HTT-AS: variants seen among roughly 807,000 people sequenced by gnomAD.
HTT-AS encodes the protein HTT antisense RNA.
At chr4:3,057,578 C>G (rs563724673) in intron 2 of HTT-AS, among the ~76,000 whole-genome samples, 6 of 152,312 alleles carry the variant, frequency 3.9e-5, no homozygotes, top group Admixed American at 3.9e-4. Context: ...ATGGCTACTC[C>G]ATGGGCAGAG....
chr4:3,048,072 G>T (rs1224506973), downstream of HTT-AS, among the ~76,000 whole-genome samples: 1 of 152,064 alleles, frequency 6.6e-6, no homozygotes, highest in African/African-American at 2.4e-5. Flanking sequence ...GGCATTCGGG[G>T]CCACTACCAG....
At chr4:3,052,943 C>T (rs867154538) in intron 2 of HTT-AS, among the ~76,000 whole-genome samples, 50 of 152,064 alleles carry the variant, frequency 3.3e-4, no homozygotes, top group African/African-American at 1.2e-3. Flanking sequence ...TTGCAGTGAA[C>T]TGAGATGGTG....
downstream of HTT-AS, among the ~76,000 whole-genome samples, chr4:3,047,973 G>C (rs1711628262): frequency 6.6e-6 from 1 of 152,198 alleles, no homozygotes; most frequent in South Asian, 2.1e-4. Flanking sequence ...GTGGACACGT[G>C]ACTTGCGTGA....
exon 2 of HTT-AS, among the ~76,000 whole-genome samples, chr4:3,063,061 AC>A (rs1210947910): frequency 6.6e-6 from 1 of 152,138 alleles, no homozygotes; most frequent in African/African-American, 2.4e-5. Flanking sequence ...GGTCGGAGAC[AC>A]GACGTAGCCT....
At chr4:3,051,837 C>T (rs1408993065) in intron 2 of HTT-AS, among the ~76,000 whole-genome samples, 5 of 149,490 alleles carry the variant, frequency 3.3e-5, no homozygotes, top group Non-Finnish European at 5.9e-5. Context: ...AGCTTGCTCG[C>T]CGCTCAAGAT....
At chr4:3,059,641 G>A (rs1201358913) in intron 2 of HTT-AS, among the ~76,000 whole-genome samples, 1 of 151,870 alleles carries the variant, frequency 6.6e-6, no homozygotes, top group East Asian at 1.9e-4. Flanking sequence ...CCAGGCTGGA[G>A]TGCAGTGGCC....
intron 1 of HTT-AS, chr4:3,069,857 T>A (rs894689045): frequency 2.5e-4 from 38 of 152,454 alleles, no homozygotes; most frequent in Admixed American, 7.2e-4. Flanking sequence ...CTCTCAGGGG[T>A]GGGGCTGGAG....
At chr4:3,053,741 T>C (rs889615907) in intron 2 of HTT-AS, among the ~76,000 whole-genome samples, 1 of 151,708 alleles carries the variant, frequency 6.6e-6, no homozygotes, top group African/African-American at 2.4e-5. Flanking sequence ...AGGTTAGATA[T>C]TAGGTTTGCT....
At chr4:3,061,578 A>G (rs1711926816) in intron 2 of HTT-AS, among the ~76,000 whole-genome samples, 1 of 151,324 alleles carries the variant, frequency 6.6e-6, no homozygotes, top group South Asian at 2.1e-4. Context: ...GCTACTCGGG[A>G]GGCTGAGGCA....
chr4:3,072,943 TAG>T (rs1712219280), intron 1 of HTT-AS, among the ~76,000 whole-genome samples: 1 of 152,170 alleles, frequency 6.6e-6, no homozygotes, highest in Admixed American at 6.5e-5. Flanking sequence ...TTAATTTTTT[TAG>T]AGACAGTGTC....
chr4:3,051,681 C>T (rs1039972309), intron 2 of HTT-AS, among the ~76,000 whole-genome samples: 27 of 151,122 alleles, frequency 1.8e-4, no homozygotes, highest in African/African-American at 5.9e-4. Context: ...TGCTTATCTC[C>T]TCTGTAAAGT....
intron 2 of HTT-AS, among the ~76,000 whole-genome samples, chr4:3,058,344 T>C (rs900279061): frequency 6.7e-6 from 1 of 149,770 alleles, no homozygotes; most frequent in African/African-American, 2.5e-5. Context: ...AAAAAAAAAA[T>C]AGAACATATA....
chr4:3,070,951 C>T (rs1201418179), intron 1 of HTT-AS, among the ~76,000 whole-genome samples: 1 of 152,190 alleles, frequency 6.6e-6, no homozygotes, highest in Admixed American at 6.6e-5. Flanking sequence ...GATCTTTACT[C>T]TTTTTAGATG....
chr4:3,052,850 G>T (rs2110120463), intron 2 of HTT-AS, among the ~76,000 whole-genome samples: 1 of 152,258 alleles, frequency 6.6e-6, no homozygotes, highest in African/African-American at 2.4e-5. Flanking sequence ...AAAAAAATTA[G>T]CCGGGCATGG....
chr4:3,047,171 C>A (rs796475887), downstream of HTT-AS, among the ~76,000 whole-genome samples: 1 of 151,982 alleles, frequency 6.6e-6, no homozygotes, highest in East Asian at 1.9e-4. Context: ...ATTAGCCGGG[C>A]GTGGTGGCGT....
intron 2 of HTT-AS, among the ~76,000 whole-genome samples, chr4:3,059,513 G>A (rs1294724947): frequency 6.6e-6 from 1 of 151,994 alleles, no homozygotes; most frequent in African/African-American, 2.4e-5. Flanking sequence ...CATTTTAAAT[G>A]GCTTTTCAGT....
chr4:3,074,165 C>T (rs1248611834), intron 1 of HTT-AS, among the ~76,000 whole-genome samples: 1 of 134,210 alleles, frequency 7.5e-6, no homozygotes, highest in Non-Finnish European at 1.6e-5. Flanking sequence ...CTATCCCGCT[C>T]CGCCCCTCAG....
At chr4:3,072,559 G>A (rs1264066041) in intron 1 of HTT-AS, among the ~76,000 whole-genome samples, 1 of 152,214 alleles carries the variant, frequency 6.6e-6, no homozygotes, top group African/African-American at 2.4e-5. Flanking sequence ...TGCCCACTGA[G>A]GTAACTAACA....
chr4:3,064,130 C>T (rs1423538906), intron 1 of HTT-AS, among the ~76,000 whole-genome samples: 2 of 148,128 alleles, frequency 1.4e-5, no homozygotes, highest in Non-Finnish European at 3.0e-5. Context: ...GAGCCTCACT[C>T]TGTTGCCCAG....
Sources: gnomAD v4.1 joint callset for allele counts (sites outside exome capture counted in the v4.1 genomes callset) on GRCh38, gnomAD v4.1.1 for gene constraint, MANE v1.5 for transcripts, NCBI Gene and HGNC (gene_info 2026-07-23, HGNC 2026-07-21) for gene names.